The following RMST variants were observed in gnomAD, a reference collection of about 807,000 sequenced individuals.
RMST encodes the protein rhabdomyosarcoma 2 associated transcript, also known as long intergenic non-protein coding RNA 54.
At chr12:97,502,628 T>C (rs1878207980) in intron 10 of RMST, among the ~76,000 whole-genome samples, 1 of 151,906 alleles carries the variant, frequency 6.6e-6, no homozygotes, top group African/African-American at 2.4e-5. Context: ...GCCTGCCTAA[T>C]TTTTTCTTTT....
intron 5 of RMST, among the ~76,000 whole-genome samples, chr12:97,481,383 G>A (rs1290484747): frequency 6.6e-6 from 1 of 151,868 alleles, no homozygotes; most frequent in Non-Finnish European, 1.5e-5. Context: ...TTATTACCTT[G>A]TTTCTCTGTG....
chr12:97,525,243 TC>T (rs1277800570), intron 10 of RMST, among the ~76,000 whole-genome samples: 2 of 152,158 alleles, frequency 1.3e-5, no homozygotes, highest in African/African-American at 4.8e-5. Context: ...GTGACAAAAA[TC>T]AACTCAATCA....
chr12:97,516,779 A>T (rs1364508449), intron 10 of RMST, among the ~76,000 whole-genome samples: 6 of 152,038 alleles, frequency 3.9e-5, no homozygotes, highest in African/African-American at 1.4e-4. Context: ...TATAGAAAAA[A>T]AATCCATCTT....
intron 10 of RMST, among the ~76,000 whole-genome samples, chr12:97,513,649 A>T (rs1879646340): frequency 1.3e-5 from 2 of 152,220 alleles, no homozygotes; most frequent in African/African-American, 4.8e-5. Flanking sequence ...CGCAGTTTCC[A>T]ACTACAGTAA....
At chr12:97,505,416 C>A (rs1878560856) in intron 10 of RMST, among the ~76,000 whole-genome samples, 1 of 152,184 alleles carries the variant, frequency 6.6e-6, no homozygotes, top group Non-Finnish European at 1.5e-5. Flanking sequence ...CATGGTAGCA[C>A]ACTAGCAGAT....
intron 10 of RMST, among the ~76,000 whole-genome samples, chr12:97,501,356 G>A (rs966825969): frequency 5.9e-5 from 9 of 152,134 alleles, no homozygotes; most frequent in African/African-American, 2.2e-4. Flanking sequence ...AATTAATTTT[G>A]TATGGAATAT....
intron 10 of RMST, among the ~76,000 whole-genome samples, chr12:97,512,291 C>T (rs1023573321): frequency 6.6e-6 from 1 of 152,154 alleles, no homozygotes; most frequent in African/African-American, 2.4e-5. Flanking sequence ...CTCATAAAGG[C>T]AGTGGGGACC....
rs1382464676 is a variant in RMST, at chr12:97,544,181, T to G, written n.1545+13322T>G. On this transcript the variant is annotated intron_variant and non_coding_transcript_variant, in intron 11 of 13. Transcript: ENST00000640149. ...ACAAGCCCAAAGCATATTGTCAAAC[T>G]AAATGGAAAAATTGGTATTGGGGGT... Among the ~76,000 whole-genome samples, 3 of 152,070 alleles carry G rather than the reference T, an allele frequency of 2.0e-5. No homozygotes were observed. The East Asian group carries it at 5.8e-4, about 29-fold the overall frequency.
intron 5 of RMST, among the ~76,000 whole-genome samples, chr12:97,485,218 A>G (rs1305305438): frequency 6.6e-6 from 1 of 152,194 alleles, no homozygotes; most frequent in Non-Finnish European, 1.5e-5. Flanking sequence ...AGTCATTTGC[A>G]TTCCATCCAT....
chr12:97,544,943 T>C (rs2136632796), intron 11 of RMST, among the ~76,000 whole-genome samples: 1 of 152,172 alleles, frequency 6.6e-6, no homozygotes, highest in South Asian at 2.1e-4. Flanking sequence ...AAGTACAGGG[T>C]AAAAAATTCC....
chr12:97,500,583 A>G (rs1192324312), intron 10 of RMST, among the ~76,000 whole-genome samples: 1 of 152,208 alleles, frequency 6.6e-6, no homozygotes, highest in African/African-American at 2.4e-5. Flanking sequence ...TATTACATCC[A>G]CTTAACAGTT....
chr12:97,525,139 G>C (rs544168793), intron 10 of RMST, among the ~76,000 whole-genome samples: 2 of 152,134 alleles, frequency 1.3e-5, no homozygotes, highest in Non-Finnish European at 2.9e-5. Context: ...ATAGAAATGC[G>C]GTTTGTCTCT....
chr12:97,469,239 T>C (rs1480942869), intron 5 of RMST, among the ~76,000 whole-genome samples: 1 of 147,018 alleles, frequency 6.8e-6, no homozygotes, highest in African/African-American at 2.7e-5. Flanking sequence ...TATATATAAA[T>C]GTATACAGTA....
At chr12:97,521,625 C>T (rs1052909167) in intron 10 of RMST, among the ~76,000 whole-genome samples, 12 of 152,248 alleles carry the variant, frequency 7.9e-5, no homozygotes, top group African/African-American at 2.4e-4. Flanking sequence ...CAAGCCCCCG[C>T]ATAGTACTCA....
chr12:97,521,336 A>T (rs539927701), intron 10 of RMST, among the ~76,000 whole-genome samples: 7 of 152,178 alleles, frequency 4.6e-5, no homozygotes, highest in Non-Finnish European at 1.0e-4. Context: ...AAGAGCCAAA[A>T]GCCCTTGAGA....
intron 10 of RMST, among the ~76,000 whole-genome samples, chr12:97,506,748 A>G (rs1360919259): frequency 6.9e-6 from 1 of 145,538 alleles, no homozygotes; most frequent in Non-Finnish European, 1.5e-5. Context: ...CAATGGCGCA[A>G]TCTCCGCTCA....
chr12:97,532,655 T>TTG (rs1555233289), intron 11 of RMST: 196 of 149,680 alleles, frequency 1.3e-3, no homozygotes, highest in African/African-American at 4.6e-3. Flanking sequence ...GTTTTTTTTT[T>TTG]TTTTTTTTTT....
rs116054589 is a variant in RMST at position 97,561,303 on chromosome 12, G to A, written n.1958+256G>A. 9.8e-3 allele frequency among the ~76,000 whole-genome samples: 1,485 copies of A among 152,284 alleles called. 24 individuals carry two copies. The highest frequency in any genetic ancestry group is 0.034 in the African/African-American group (1,408 of 41,550). ...TGACTGCTACTAGCTGTATGCATTT[G>A]TGTGTATTGCTGTGAGTGCATGTCC... On this transcript the variant is annotated intron_variant and non_coding_transcript_variant, in intron 13 of 13. Coordinates refer to ENST00000640149, the Ensembl canonical transcript of RMST.
intron 10 of RMST, among the ~76,000 whole-genome samples, chr12:97,498,691 G>A (rs1302938623): frequency 6.6e-6 from 1 of 152,160 alleles, no homozygotes; most frequent in African/African-American, 2.4e-5. Context: ...GGAAAATCGT[G>A]AAAAGCCAGT....
Sources: gnomAD v4.1 joint callset for allele counts (sites outside exome capture counted in the v4.1 genomes callset) on GRCh38, gnomAD v4.1.1 for gene constraint, MANE v1.5 for transcripts, NCBI Gene and HGNC (gene_info 2026-07-23, HGNC 2026-07-21) for gene names.